PTPRG: variants seen among roughly 807,000 people sequenced by gnomAD.
PTPRG encodes protein tyrosine phosphatase receptor type G.
In PTPRG, 102 loss-of-function variants were observed where a neutral mutation model predicts 165.3. That is an observed-to-expected ratio of 0.62 (90% CI 0.53 to 0.73). The LOEUF is 0.73. Ranked by LOEUF, PTPRG falls within the 30% of genes least tolerant of loss-of-function variation. PTPRG has a pLI of 0.00. For missense variants in PTPRG, 1,866 were observed against 1,861.4 expected, an observed-to-expected ratio of 1.00 and a Z score of -0.05; for synonymous variants, 675 against 669.5, an observed-to-expected ratio of 1.01 and a Z score of -0.13.
intron 4 of PTPRG, among the ~76,000 whole-genome samples, chr3:62,009,275 G>T (rs2041363653): frequency 6.6e-6 from 1 of 152,160 alleles, no homozygotes; most frequent in Non-Finnish European, 1.5e-5. Context: ...GTGTCTCCCT[G>T]TGGGGTGGAT....
chr3:61,837,993 C>G (rs768895882), intron 2 of PTPRG, among the ~76,000 whole-genome samples: 1 of 152,210 alleles, frequency 6.6e-6, no homozygotes, highest in Non-Finnish European at 1.5e-5. Flanking sequence ...CTTTTGCCCA[C>G]ATTTAACCTT....
intron 2 of PTPRG, among the ~76,000 whole-genome samples, chr3:61,844,576 T>C (rs897808211): frequency 3.9e-5 from 6 of 151,908 alleles, no homozygotes; most frequent in African/African-American, 1.5e-4. Flanking sequence ...CATGTGATCA[T>C]AGCTTAGTGT....
At chr3:61,957,265 C>T (rs1433511130) in intron 2 of PTPRG, among the ~76,000 whole-genome samples, 1 of 152,122 alleles carries the variant, frequency 6.6e-6, no homozygotes, top group Non-Finnish European at 1.5e-5. Context: ...GAAGGTAGTG[C>T]GTTGTAAATA....
intron 1 of PTPRG, among the ~76,000 whole-genome samples, chr3:61,679,787 C>CA (rs1198767547): frequency 1.3e-5 from 2 of 151,634 alleles, no homozygotes; most frequent in Non-Finnish European, 1.5e-5. Context: ...CTCAAAAAAC[C>CA]AAAAAAACAG....
At chr3:61,895,843 T>A (rs1483962531) in intron 2 of PTPRG, among the ~76,000 whole-genome samples, 3 of 152,224 alleles carry the variant, frequency 2.0e-5, no homozygotes, top group African/African-American at 7.2e-5. Context: ...ATTTCTCTCT[T>A]CTGGCTATCA....
intron 2 of PTPRG, among the ~76,000 whole-genome samples, chr3:61,908,184 G>T (rs1382719770): frequency 6.7e-6 from 1 of 149,162 alleles, no homozygotes; most frequent in Non-Finnish European, 1.5e-5. Context: ...CTAGCACTTT[G>T]GGAGGCCAAG....
At chr3:61,597,204 C>T (rs961847399) in intron 1 of PTPRG, among the ~76,000 whole-genome samples, 4 of 152,152 alleles carry the variant, frequency 2.6e-5, no homozygotes, top group Non-Finnish European at 2.9e-5. Flanking sequence ...TCCCATTATG[C>T]TCCACCCAAC....
intron 27 of PTPRG, among the ~76,000 whole-genome samples, chr3:62,282,415 G>C (rs1321842032): frequency 6.7e-6 from 1 of 148,336 alleles, no homozygotes; most frequent in Non-Finnish European, 1.5e-5. Context: ...AATTTTTTTA[G>C]AGACAGATCT....
At chr3:61,830,215 T>G (rs2107289068) in intron 2 of PTPRG, among the ~76,000 whole-genome samples, 1 of 152,352 alleles carries the variant, frequency 6.6e-6, no homozygotes, top group East Asian at 1.9e-4. Flanking sequence ...TGAAAACCTG[T>G]GTAGCAAATC....
chr3:61,932,584 T>A (rs1212275866), intron 2 of PTPRG, among the ~76,000 whole-genome samples: 3 of 152,192 alleles, frequency 2.0e-5, no homozygotes, highest in African/African-American at 7.2e-5. Context: ...TCATTTGCAT[T>A]ATCACAGCAA....
chr3:61,587,015 T>C (rs1352430592), intron 1 of PTPRG, among the ~76,000 whole-genome samples: 1 of 152,144 alleles, frequency 6.6e-6, no homozygotes, highest in Non-Finnish European at 1.5e-5. Flanking sequence ...GGGCCACTGT[T>C]ACGGGGGATG....
In PTPRG at chr3:61,589,030, C is replaced by G. The variant is rs540771149; in HGVS notation, c.85+26658C>G. Among the ~76,000 whole-genome samples the G allele has an allele frequency of 2.1e-3, 320 of 152,218 alleles. 2 individuals are homozygous for G. The highest frequency in any genetic ancestry group is 7.5e-3 in the African/African-American group (313 of 41,554). Reference sequence around the variant, plus strand: ...CATAGCCTGGGACCACCCAGTCTGGCCCACTGCCTATTCTGTACAGCTAGC... The same window carrying G: ...CATAGCCTGGGACCACCCAGTCTGGGCCACTGCCTATTCTGTACAGCTAGC... On this transcript the variant is annotated intron_variant, in intron 1 of 29. Transcript: ENST00000474889.
intron 1 of PTPRG, among the ~76,000 whole-genome samples, chr3:61,622,450 T>C (rs533519104): frequency 6.6e-6 from 1 of 152,254 alleles, no homozygotes; most frequent in East Asian, 1.9e-4. Flanking sequence ...TTTTTTTTGC[T>C]ATTATTTTTA....
At position 61,803,476 on chromosome 3, in the gene PTPRG, G is replaced by A. The variant is rs541462668; in HGVS notation, c.190+54494G>A. Among the ~76,000 whole-genome samples, 4 of 111,334 alleles carry A rather than the reference G, an allele frequency of 3.6e-5. No homozygotes were observed. In the South Asian group the frequency reaches 1.2e-3, roughly 34 times the overall value. 73.0% of individuals were successfully genotyped at this position (111,334 alleles called of 152,430 possible). A position where few individuals can be genotyped will look rare whatever the true frequency, so the allele number is the denominator to read the frequency against. On this transcript the variant is annotated intron_variant, in intron 2 of 29. Transcript: ENST00000474889. ...TGGTAGCCATTGTTTTGGACAACAT[G>A]GTTCATGTTGTCCATGTTGTCCAAC...
chr3:61,785,992 T>A (rs995464802), intron 2 of PTPRG, among the ~76,000 whole-genome samples: 8 of 152,194 alleles, frequency 5.3e-5, no homozygotes, highest in Non-Finnish European at 1.2e-4. Flanking sequence ...ACTTTTTCTG[T>A]AGTCCCCTCT....
Position 61,749,153 on chromosome 3 carries a change from C to A in PTPRG, c.190+171C>A, listed in dbSNP as rs1233591647. ...CTGTTTTTCCTCAAGGTTATAAGCA[C>A]CTTAATTTATCTCTACCACCTGTTT... On this transcript the variant is annotated intron_variant, in intron 2 of 29. Transcript: ENST00000474889. The A allele has an allele frequency of 7.1e-6, 5 of 705,064 alleles. No individual in the cohort carries two copies. In the East Asian group the frequency reaches 1.4e-4, roughly 19 times the overall value. The allele number at this position is 705,064 out of a possible 1,614,324, so 43.7% of individuals were successfully genotyped here. A position where few individuals can be genotyped will look rare whatever the true frequency, so the allele number is the denominator to read the frequency against.
chr3:61,900,782 G>A (rs2038478438), intron 2 of PTPRG, among the ~76,000 whole-genome samples: 1 of 152,140 alleles, frequency 6.6e-6, no homozygotes, highest in East Asian at 1.9e-4. Flanking sequence ...GTCACTATAT[G>A]TGTGTACTGT....
intron 2 of PTPRG, among the ~76,000 whole-genome samples, chr3:61,908,316 C>CAGGCATGAGG (rs2038711020): frequency 1.4e-5 from 2 of 147,370 alleles, no homozygotes; most frequent in Non-Finnish European, 3.0e-5. Flanking sequence ...GTCCCAGCTA[C>CAGGCATGAGG]TCGGGAGGCT....
chr3:62,168,402 C>T (rs1293068740), intron 8 of PTPRG, among the ~76,000 whole-genome samples: 2 of 152,190 alleles, frequency 1.3e-5, no homozygotes, highest in Admixed American at 6.5e-5. Flanking sequence ...TGCATTTCTG[C>T]CTTGTAACTT....
Sources: gnomAD v4.1 joint callset for allele counts (sites outside exome capture counted in the v4.1 genomes callset) on GRCh38, gnomAD v4.1.1 for gene constraint, MANE v1.5 for transcripts, NCBI Gene and HGNC (gene_info 2026-07-23, HGNC 2026-07-21) for gene names.